KDR: variants seen among roughly 807,000 people sequenced by gnomAD.
KDR encodes kinase insert domain receptor, also known as vascular endothelial growth factor receptor 2.
A neutral mutation model predicts 160.9 loss-of-function variants in KDR; 43 were observed. That is an observed-to-expected ratio of 0.27 (90% CI 0.21 to 0.34). The LOEUF is 0.34. KDR is among the 10% of genes least tolerant of loss of function. KDR has a pLI of 1.00. For missense variants in KDR, 1,469 were observed against 1,666.4 expected, an observed-to-expected ratio of 0.88 and a Z score of 2.06; for synonymous variants, 617 against 600.1, an observed-to-expected ratio of 1.03 and a Z score of -0.41.
In KDR at chr4:55,121,165, C is replaced by G. The variant is rs745352790; in HGVS notation, c.93G>C (p.Leu31=). The G allele has an allele frequency of 4.3e-6, 7 of 1,613,572 alleles. No homozygotes were observed. The Admixed American group carries it at 1.2e-4, about 27-fold the overall frequency. ...TGTCTTTTTGTATGCTGAGCCTGGG[C>G]AGATCAAGAGAAACACTAGGCAAAC... ...SVGLPSVSLD[L]PRLSIQKDIL... Residue 31 remains leucine, a synonymous_variant, in exon 2 of 30, where the codon CTG becomes CTC. Transcript: ENST00000263923.
intron 12 of KDR, 112 bp downstream of exon 12, chr4:55,105,720 C>G: frequency 1.3e-6 from 1 of 787,378 alleles, no homozygotes; most frequent in Non-Finnish European, 2.3e-6. Flanking sequence ...TCCAAGTCCT[C>G]TTTCCTAAAT....
At chr4:55,097,605 C>T in intron 18 of KDR, 57 bp downstream of exon 18, 2 of 1,125,108 alleles carry the variant, frequency 1.8e-6, no homozygotes, top group Non-Finnish European at 2.7e-6. Context: ...AGCCTTGCAA[C>T]ATATTTAAAG....
rs758977834 is a variant in KDR, at chr4:55,092,677, C to T, written c.3009G>A (p.Glu1003=). Residue 1003 remains glutamate, a synonymous_variant, in exon 22 of 30, where the codon GAG becomes GAA. Transcript: ENST00000263923. The part of the protein sequence containing the change: ...EDLYKDFLTL[E]HLICYSFQVA... ...CTTGGAAGCTGTAACAGATGAGATG[C>T]TCCAAGGTCAGGAAGTCCTTATACA... is the stretch of plus-strand genomic sequence containing the variant. 6.2e-7 allele frequency: 1 copy of T among 1,613,964 alleles called. No individual in the cohort carries two copies. Among genetic ancestry groups the T allele is most frequent in the Non-Finnish European group, 8.5e-7 (1 of 1,179,868 alleles).
At chr4:55,111,742 T>C (rs1397883744) in intron 7 of KDR, among the ~76,000 whole-genome samples, 1 of 152,256 alleles carries the variant, frequency 6.6e-6, no homozygotes, top group African/African-American at 2.4e-5. Flanking sequence ...GGACACTTAG[T>C]GATTTCTATT....
At chr4:55,115,206 T>C (rs918814378) in intron 4 of KDR, 75 bp downstream of exon 4, 2 of 1,358,392 alleles carry the variant, frequency 1.5e-6, no homozygotes, top group East Asian at 4.6e-5. Context: ...GTGAATATTA[T>C]AAACAGGTTA....
rs775848381 is a variant in KDR at position 55,089,385 on chromosome 4, A to G, written c.3393T>C (p.Thr1131=). Reference sequence around the variant, plus strand: ...TCTTAAAGTCTTACATTTCTGGTGTAGTATAATCAGGGGCCCTCATTCTAG... The same window carrying G: ...TCTTAAAGTCTTACATTTCTGGTGTGGTATAATCAGGGGCCCTCATTCTAG... ...EGTRMRAPDY[T]TPEMYQTMLD... The change falls in exon 25 of 30, where the codon ACT becomes ACC. Residue 1131 remains threonine (T), a synonymous_variant. Coordinates refer to ENST00000263923, the MANE Select transcript of KDR (RefSeq NM_002253.4). 1.2e-5 allele frequency: 19 copies of G among 1,604,648 alleles called. No individual in the cohort carries two copies. The highest frequency in any genetic ancestry group is 1.6e-5 in the Non-Finnish European group (19 of 1,171,922).
chr4:55,114,313 C>T (rs1720679118), intron 5 of KDR, 48 bp from the exon 6 acceptor site: 1 of 1,589,910 alleles, frequency 6.3e-7, no homozygotes, highest in Non-Finnish European at 8.6e-7. Flanking sequence ...GCAAATAAGC[C>T]TATAACTTTG....
Position 55,080,126 on chromosome 4 carries a change from A to G in KDR, c.3886T>C (p.Ser1296Pro). 6.2e-7 allele frequency: 1 copy of G among 1,613,818 alleles called. No homozygotes were observed. Among genetic ancestry groups the G allele is most frequent in the Non-Finnish European group, 8.5e-7 (1 of 1,180,034 alleles). ...VPSKSRESVA[S>P]EGSNQTSGYQ... ...CCGCTTGTCTGGTTTGAGCCTTCAG[A>G]TGCCACAGACTCCCTGCTTTTGCTG... The change falls in exon 30 of 30, where the codon TCT (serine) becomes CCT (proline). Residue 1296 changes from serine (S) to proline (P), a missense_variant. By Grantham distance (74) the Ser-to-Pro change is moderately conservative. This residue lies in a region of KDR where 229 missense variants were observed against 197.8 expected (regional missense o/e 1.16). Transcript: ENST00000263923.
At chr4:55,109,242 C>T (rs539062495) in intron 9 of KDR, among the ~76,000 whole-genome samples, 96 of 152,230 alleles carry the variant, frequency 6.3e-4, no homozygotes, top group African/African-American at 2.1e-3. Flanking sequence ...ACCACCATGC[C>T]TGGCTAATTT....
intron 5 of KDR, 103 bp from the exon 6 acceptor site, chr4:55,114,368 A>C (rs980325413): frequency 1.6e-6 from 2 of 1,283,612 alleles, no homozygotes. Flanking sequence ...AACATGCCAC[A>C]TTGTTTTTCC....
chr4:55,121,697 C>T (rs951606849), intron 1 of KDR, among the ~76,000 whole-genome samples: 2 of 152,146 alleles, frequency 1.3e-5, no homozygotes, highest in Admixed American at 6.5e-5. Flanking sequence ...TTTTCTAGTG[C>T]GCTTCCCCTG....
In KDR at chr4:55,087,468, TATGTTA is replaced by T; in HGVS notation, c.3662+133_3662+138del. The T allele has an allele frequency of 5.5e-6, 4 of 728,334 alleles. No homozygotes were observed. In the South Asian group the frequency reaches 7.5e-5, roughly 14 times the overall value. The allele number at this position is 728,334 out of a possible 1,614,324, so 45.1% of individuals were successfully genotyped here. ...GCCCTCTTCCAGGAGCATTCCCCAT[TATGTTA>T]ACCTCAGGGCTAAGGTTATGTGGAA... On this transcript the variant is annotated intron_variant, in intron 27 of 29. Coordinates refer to ENST00000263923, the MANE Select transcript of KDR (RefSeq NM_002253.4).
chr4:55,091,213 C>T (rs1190874163), intron 22 of KDR, among the ~76,000 whole-genome samples: 2 of 152,126 alleles, frequency 1.3e-5, no homozygotes, highest in Non-Finnish European at 2.9e-5. Context: ...TGCTGACCTT[C>T]CCACACCTCA....
chr4:55,098,337 T>C, intron 16 of KDR, 65 bp from the exon 17 acceptor site: 10 of 1,553,462 alleles, frequency 6.4e-6, no homozygotes, highest in Non-Finnish European at 8.0e-6. Context: ...TGTGTGCTTG[T>C]TATTGCTGTT....
chr4:55,110,620 G>A (rs751032533), intron 8 of KDR, 34 bp downstream of exon 8: 12 of 1,611,984 alleles, frequency 7.4e-6, no homozygotes, highest in African/African-American at 4.0e-5. Flanking sequence ...GCTCTCACAC[G>A]AAATGATGCT....
chr4:55,113,313 T>C lies in KDR; in HGVS notation c.967A>G (p.Arg323Gly), dbSNP rs752957394. 6.2e-7 allele frequency: 1 copy of C among 1,614,058 alleles called. No homozygotes were observed. The highest frequency in any genetic ancestry group is 8.5e-7 in the Non-Finnish European group (1 of 1,179,920). The change falls in exon 7 of 30, where the codon AGG becomes GGG. Residue 323 changes from arginine (R) to glycine (G), a missense_variant. This residue lies in a region of KDR where 792 missense variants were observed against 840.9 expected (regional missense o/e 0.94). Coordinates refer to ENST00000263923, the MANE Select transcript of KDR (RefSeq NM_002253.4). ...LMTKKNSTFVRVHEKPFVAFG... is the reference protein window; with the variant it reads ...LMTKKNSTFVGVHEKPFVAFG... ...CAAGACCATAGCTTACCATGGACCC[T>C]GACAAATGTGCTGTTCTTCTTGGTC...
Position 55,121,107 on chromosome 4 carries a change from T to C in KDR, c.151A>G (p.Ile51Val). Residue 51 changes from isoleucine (I) to valine (V), a missense_variant, in exon 2 of 30, where the codon ATT becomes GTT. By Grantham distance (29) the Ile-to-Val change is conservative. Around this residue, in one of 7 missense-constraint regions of KDR, gnomAD observed 792 missense variants for 840.9 expected, o/e 0.94. Coordinates refer to ENST00000263923, the MANE Select transcript of KDR (RefSeq NM_002253.4). The part of the protein sequence containing the change: ...LTIKANTTLQ[I>V]TCRGQRDLDW... ...AGAATGAATCCTTACCTGCAAGTAA[T>C]TTGAAGAGTTGTATTAGCCTTAATT... 3 of 1,608,912 alleles carry C rather than the reference T, an allele frequency of 1.9e-6. No homozygotes were observed. The highest frequency in any genetic ancestry group is 2.6e-6 in the Non-Finnish European group (3 of 1,175,396).
chr4:55,099,027 A>ATTTT (rs869117378), intron 15 of KDR, among the ~76,000 whole-genome samples: 1 of 143,162 alleles, frequency 7.0e-6, no homozygotes, highest in Non-Finnish European at 1.5e-5. Flanking sequence ...TTATTTATTT[A>ATTTT]TTTTTAGAGA....
At chr4:55,086,791 C>A (rs1408533171) in intron 27 of KDR, among the ~76,000 whole-genome samples, 1 of 152,176 alleles carries the variant, frequency 6.6e-6, no homozygotes, top group Non-Finnish European at 1.5e-5. Flanking sequence ...TGAGAGAGCT[C>A]CCTGCCCCTC....
Sources: allele counts gnomAD v4.1 joint callset (sites outside exome capture counted in the v4.1 genomes callset), GRCh38; gene constraint gnomAD v4.1.1; regional missense constraint gnomAD v4.1.1; transcripts MANE v1.5; gene names NCBI Gene and HGNC (gene_info 2026-07-23, HGNC 2026-07-21).